Variants in ERC2 observed in about 807,000 individuals in gnomAD.
ERC2 encodes ERC protein 2.
A neutral mutation model predicts 114.8 loss-of-function variants in ERC2; 42 were observed. The observed-to-expected ratio is 0.37, with a 90% CI of 0.29 to 0.47. The LOEUF is 0.47. Ranked by LOEUF, ERC2 falls within the 20% of genes least tolerant of loss-of-function variation. The probability of loss-of-function intolerance (pLI) is 0.99; values close to 1 mark genes in which losing one functional copy is unlikely to be tolerated. For missense variants in ERC2, 939 were observed against 1,150.7 expected, an observed-to-expected ratio of 0.82 and a Z score of 2.66; for synonymous variants, 454 against 425.5, an observed-to-expected ratio of 1.07 and a Z score of -0.82.
At chr3:55,835,234 C>T (rs141357329) in intron 14 of ERC2, among the ~76,000 whole-genome samples, 15,326 of 152,118 alleles carry the variant, frequency 0.1, 1,349 homozygotes, top group African/African-American at 0.23. Context: ...AAGAGGGAAT[C>T]CTCCCTAACT....
intron 2 of ERC2, among the ~76,000 whole-genome samples, chr3:56,343,190 T>TCACACACACACACA (rs1181595660): frequency 0.062 from 6,743 of 109,642 alleles, 197 homozygotes; most frequent in African/African-American, 0.1. Flanking sequence ...TCTCTCTCTC[T>TCACACACACACACA]CTCACACACA....
intron 2 of ERC2, among the ~76,000 whole-genome samples, chr3:56,341,739 T>A (rs1256929723): frequency 6.6e-6 from 1 of 152,186 alleles, no homozygotes; most frequent in Non-Finnish European, 1.5e-5. Flanking sequence ...TCCAGAACAT[T>A]GCTTTCCCAA....
intron 2 of ERC2, among the ~76,000 whole-genome samples, chr3:56,345,264 A>G (rs1300079269): frequency 1.3e-5 from 2 of 152,172 alleles, no homozygotes; most frequent in Non-Finnish European, 2.9e-5. Context: ...TTGTTCAATC[A>G]TTCGTTCAAC....
At chr3:56,465,381 G>C (rs1210731175) in intron 1 of ERC2, among the ~76,000 whole-genome samples, 1 of 152,160 alleles carries the variant, frequency 6.6e-6, no homozygotes, top group Non-Finnish European at 1.5e-5. Context: ...CCTGGTGACA[G>C]AGCAAGACTC....
chr3:55,932,486 C>A (rs540162028), intron 13 of ERC2, among the ~76,000 whole-genome samples: 35 of 152,228 alleles, frequency 2.3e-4, no homozygotes, highest in African/African-American at 7.9e-4. Flanking sequence ...AGGCTGTGCT[C>A]GTTCTCACCT....
intron 2 of ERC2, among the ~76,000 whole-genome samples, chr3:56,358,894 G>A (rs1260073828): frequency 6.6e-6 from 1 of 152,208 alleles, no homozygotes; most frequent in Non-Finnish European, 1.5e-5. Context: ...CACTATTAAT[G>A]CTGACTTGTC....
intron 2 of ERC2, among the ~76,000 whole-genome samples, chr3:56,312,152 C>G (rs2056619561): frequency 6.6e-6 from 1 of 151,964 alleles, no homozygotes; most frequent in South Asian, 2.1e-4. Context: ...AGTCCTGGAA[C>G]CAGTCCCCCA....
rs57638674 is a variant in ERC2, at chr3:55,920,446, A to ACACACACACCC, written c.2403+29978_2403+29979insGGGTGTGTGTG. Among the ~76,000 whole-genome samples, 300 of 145,536 alleles carry ACACACACACCC rather than the reference A, an allele frequency of 2.1e-3. 1 individual carries two copies. Among genetic ancestry groups the ACACACACACCC allele is most frequent in the African/African-American group, 7.5e-3 (284 of 38,070 alleles). Reference sequence around the variant, plus strand: ...CACACACACACACACACACACACACACCCCAAGTGAGAAGGATATTGCTAA... The same window carrying ACACACACACCC: ...CACACACACACACACACACACACACACACACACACCCCCCCAAGTGAGAAGGATATTGCTAA... On this transcript the variant is annotated intron_variant, in intron 13 of 17. Coordinates refer to ENST00000288221, the MANE Select transcript of ERC2 (RefSeq NM_015576.3).
At chr3:55,572,755 T>C (rs1420170016) in intron 17 of ERC2, among the ~76,000 whole-genome samples, 1 of 152,178 alleles carries the variant, frequency 6.6e-6, no homozygotes, top group African/African-American at 2.4e-5. Flanking sequence ...CCTCCAATAG[T>C]CAAATTCTGT....
intron 2 of ERC2, among the ~76,000 whole-genome samples, chr3:56,333,475 T>C (rs1187469283): frequency 6.6e-6 from 1 of 152,220 alleles, no homozygotes; most frequent in Non-Finnish European, 1.5e-5. Context: ...TCAGGGAAAA[T>C]GTTCACAATA....
chr3:56,102,590 T>C (rs922515615), intron 6 of ERC2, among the ~76,000 whole-genome samples: 2 of 152,146 alleles, frequency 1.3e-5, no homozygotes, highest in Non-Finnish European at 2.9e-5. Context: ...TTGTTAACAG[T>C]GTTCTGTTTT....
chr3:55,875,090 C>A (rs771186175), intron 14 of ERC2, among the ~76,000 whole-genome samples: 1 of 152,094 alleles, frequency 6.6e-6, no homozygotes, highest in African/African-American at 2.4e-5. Flanking sequence ...GAAAAATGAC[C>A]AGGAGAGGGG....
chr3:55,730,793 G>C (rs988254364), intron 15 of ERC2, among the ~76,000 whole-genome samples: 1 of 152,218 alleles, frequency 6.6e-6, no homozygotes, highest in African/African-American at 2.4e-5. Flanking sequence ...AGTGGCCGAA[G>C]TGAGCTGTGA....
chr3:55,751,046 A>G (rs2066671632), intron 14 of ERC2, among the ~76,000 whole-genome samples: 1 of 152,198 alleles, frequency 6.6e-6, no homozygotes, highest in Admixed American at 6.5e-5. Context: ...TTTTCCTATG[A>G]TTGGTCCATG....
chr3:55,917,569 A>T (rs544176384), intron 13 of ERC2, among the ~76,000 whole-genome samples: 1 of 152,302 alleles, frequency 6.6e-6, no homozygotes, highest in South Asian at 2.1e-4. Context: ...TTCCATTTAT[A>T]TGAAATGTAT....
At chr3:55,573,976 G>A (rs1457906689) in intron 17 of ERC2, among the ~76,000 whole-genome samples, 1 of 152,160 alleles carries the variant, frequency 6.6e-6, no homozygotes, top group African/African-American at 2.4e-5. Flanking sequence ...TAAAAATTGA[G>A]GGAACACACT....
chr3:56,025,893 G>A (rs909988283), intron 7 of ERC2, among the ~76,000 whole-genome samples: 6 of 151,900 alleles, frequency 3.9e-5, no homozygotes, highest in African/African-American at 1.5e-4. Flanking sequence ...CTTATACAGA[G>A]AATTCTGTGA....
chr3:55,951,984 G>A (rs989402476), intron 12 of ERC2, among the ~76,000 whole-genome samples: 6 of 151,450 alleles, frequency 4.0e-5, no homozygotes, highest in African/African-American at 1.5e-4. Context: ...ATATTATCTA[G>A]TACTAACAGT....
At position 56,435,138 on chromosome 3, in the gene ERC2, A is replaced by C; in HGVS notation, c.-131T>G. On this transcript the variant is annotated 5_prime_UTR_variant, in exon 2 of 18. Transcript: ENST00000288221. ...ACAGTCCGTACCAGAAAATAACTCC[A>C]CTCAGAGATCTACAAAGTGAAAAAA... 1.6e-6 allele frequency: 1 copy of C among 625,636 alleles called. No individual in the cohort carries two copies. The highest frequency in any genetic ancestry group is 1.9e-5 in the African/African-American group (1 of 53,076). 38.8% of individuals were successfully genotyped at this position (625,636 alleles called of 1,614,324 possible).
Sources: allele counts gnomAD v4.1 joint callset (sites outside exome capture counted in the v4.1 genomes callset), GRCh38; gene constraint gnomAD v4.1.1; transcripts MANE v1.5; gene names NCBI Gene and HGNC (gene_info 2026-07-23, HGNC 2026-07-21).